Variants in TBC1D4 observed in about 807,000 individuals in gnomAD.
TBC1D4 encodes TBC (Tre-2, BUB2, CDC16) domain-containing protein.
Under a neutral mutation model 142.5 loss-of-function variants are expected in TBC1D4, and 121 were observed. The observed-to-expected ratio is 0.85, with a 90% CI of 0.73 to 0.99. The LOEUF (loss-of-function observed/expected upper bound fraction) is 0.99, where lower values mean the gene tolerates loss of function less well. Ranked by LOEUF, TBC1D4 falls within the 50% of genes least tolerant of loss-of-function variation. The pLI is 0.00. For missense variants in TBC1D4, 1,475 were observed against 1,606.6 expected, an observed-to-expected ratio of 0.92 and a Z score of 1.40; for synonymous variants, 630 against 628.2, an observed-to-expected ratio of 1.00 and a Z score of -0.04.
At chr13:75,430,422 C>T (rs1886548533) in intron 1 of TBC1D4, among the ~76,000 whole-genome samples, 1 of 152,186 alleles carries the variant, frequency 6.6e-6, no homozygotes, top group African/African-American at 2.4e-5. Flanking sequence ...CACACTGTCC[C>T]CTCGTGCCCC....
Position 75,481,416 on chromosome 13 carries a change from T to C in TBC1D4, c.352A>G (p.Ile118Val), listed in dbSNP as rs1465961144. 3.7e-6 allele frequency: 6 copies of C among 1,613,802 alleles called. No individual in the cohort carries two copies. In the East Asian group the frequency reaches 6.7e-5, roughly 18 times the overall value. ...ATATGCTGCGCCTTGTGCTCGAAGA[T>C]GAATACCGCCGGGTTGGGCTGCGTG... ...SATQPNPAVF[I>V]FEHKAQHISR... Residue 118 changes from isoleucine (I) to valine (V), a missense_variant, in exon 1 of 21, where the codon ATC (isoleucine) becomes GTC (valine). Physicochemically the swap from Ile to Val is conservative, Grantham distance 29. Transcript: ENST00000377636.
At chr13:75,400,378 C>A (rs1018875634) in intron 1 of TBC1D4, among the ~76,000 whole-genome samples, 2 of 152,106 alleles carry the variant, frequency 1.3e-5, no homozygotes, top group African/African-American at 4.8e-5. Flanking sequence ...CATTTACCAC[C>A]GCCACTACTT....
chr13:75,468,478 C>A lies in TBC1D4; in HGVS notation c.498+12792G>T, dbSNP rs79183696. Among the ~76,000 whole-genome samples, 781 of 152,102 alleles carry A rather than the reference C, an allele frequency of 5.1e-3. 13 individuals are homozygous for A. The highest frequency in any genetic ancestry group is 0.018 in the African/African-American group (754 of 41,472). On this transcript the variant is annotated intron_variant, in intron 1 of 20. Transcript: ENST00000377636. Reference sequence around the variant, plus strand: ...CCTCAACTCACAAAGGACAAGGAGACACACATTCTCCTGTTGGTAGCTTTA... The same window carrying A: ...CCTCAACTCACAAAGGACAAGGAGAAACACATTCTCCTGTTGGTAGCTTTA...
intron 1 of TBC1D4, among the ~76,000 whole-genome samples, chr13:75,474,809 G>T (rs1888568617): frequency 6.6e-6 from 1 of 151,824 alleles, no homozygotes; most frequent in East Asian, 1.9e-4. Flanking sequence ...GCTAATTTTT[G>T]TATTTTTAGT....
intron 15 of TBC1D4, among the ~76,000 whole-genome samples, chr13:75,305,191 C>T (rs1034901440): frequency 9.9e-5 from 15 of 152,172 alleles, no homozygotes; most frequent in Non-Finnish European, 1.9e-4. Context: ...TTTCACCTTC[C>T]GCCATGATTG....
intron 1 of TBC1D4, among the ~76,000 whole-genome samples, chr13:75,403,644 GTTT>G (rs1885202294): frequency 6.6e-6 from 1 of 152,100 alleles, no homozygotes; most frequent in South Asian, 2.1e-4. Flanking sequence ...AATTACATTA[GTTT>G]TTATCTTAAT....
At chr13:75,361,488 C>A (rs1439249805) in intron 2 of TBC1D4, among the ~76,000 whole-genome samples, 1 of 152,166 alleles carries the variant, frequency 6.6e-6, no homozygotes, top group African/African-American at 2.4e-5. Context: ...TCAAGCAATT[C>A]TCCCGCCTCA....
At chr13:75,365,585 T>A (rs1460911707) in intron 1 of TBC1D4, among the ~76,000 whole-genome samples, 1 of 152,210 alleles carries the variant, frequency 6.6e-6, no homozygotes, top group African/African-American at 2.4e-5. Context: ...ATACATACAA[T>A]ATTTTGGAAT....
chr13:75,291,511 A>G (rs190937285), intron 19 of TBC1D4, among the ~76,000 whole-genome samples: 35 of 152,248 alleles, frequency 2.3e-4, no homozygotes, highest in African/African-American at 7.7e-4. Flanking sequence ...CTTCATTTGA[A>G]TCATCGGAGG....
intron 16 of TBC1D4, among the ~76,000 whole-genome samples, chr13:75,300,719 G>C (rs1273078945): frequency 6.6e-6 from 1 of 152,126 alleles, no homozygotes; most frequent in Non-Finnish European, 1.5e-5. Flanking sequence ...CTTGATTCTA[G>C]CTCCATTTTT....
rs115880286 is a variant in TBC1D4, at chr13:75,384,447, A to G, written c.499-21840T>C. On this transcript the variant is annotated intron_variant, in intron 1 of 20. Coordinates refer to ENST00000377636, the MANE Select transcript of TBC1D4 (RefSeq NM_014832.5). ...CTCCATCTCAAAAACCTCACCTCCA[A>G]TGAGCTGCATATTCCTTTCTGGACA... is the stretch of plus-strand genomic sequence containing the variant. Among the ~76,000 whole-genome samples, 1,325 of 152,170 alleles carry G rather than the reference A, an allele frequency of 8.7e-3. 14 individuals carry two copies. The highest frequency in any genetic ancestry group is 0.031 in the Middle Eastern group (9 of 294).
chr13:75,465,732 G>A (rs541219979), intron 1 of TBC1D4, among the ~76,000 whole-genome samples: 68 of 152,230 alleles, frequency 4.5e-4, no homozygotes, highest in African/African-American at 1.4e-3. Context: ...ATTACTGATA[G>A]AACAGACTCT....
intron 1 of TBC1D4, among the ~76,000 whole-genome samples, chr13:75,443,476 T>C (rs1339698247): frequency 3.3e-5 from 5 of 152,182 alleles, no homozygotes; most frequent in African/African-American, 1.2e-4. Context: ...ACGTCTAGAA[T>C]ATACAGAGGG....
chr13:75,336,804 A>G (rs1043619271), intron 8 of TBC1D4, 117 bp downstream of exon 8: 188 of 1,254,254 alleles, frequency 1.5e-4, no homozygotes, highest in Middle Eastern at 1.9e-4. Context: ...AAGTTATCTT[A>G]GGTTTTTTTT....
At chr13:75,349,132 G>A in intron 5 of TBC1D4, 38 bp downstream of exon 5, 1 of 1,613,652 alleles carries the variant, frequency 6.2e-7, no homozygotes, top group Non-Finnish European at 8.5e-7. Flanking sequence ...AAATGCCAAA[G>A]CAAACTTCTC....
chr13:75,395,811 CAG>C (rs1258739573), intron 1 of TBC1D4, among the ~76,000 whole-genome samples: 2 of 152,140 alleles, frequency 1.3e-5, no homozygotes, highest in African/African-American at 4.8e-5. Flanking sequence ...GCCTGGGCAA[CAG>C]AGTGAGACTC....
At chr13:75,424,811 T>C (rs901821036) in intron 1 of TBC1D4, among the ~76,000 whole-genome samples, 10 of 152,188 alleles carry the variant, frequency 6.6e-5, no homozygotes, top group African/African-American at 2.2e-4. Flanking sequence ...GATATCCACA[T>C]GCAGAAGAAT....
intron 5 of TBC1D4, among the ~76,000 whole-genome samples, chr13:75,343,637 C>T (rs997565772): frequency 2.0e-5 from 3 of 152,042 alleles, no homozygotes; most frequent in Admixed American, 6.6e-5. Flanking sequence ...CTGCCTCAGC[C>T]TTCCGAGTAG....
chr13:75,367,785 T>G (rs1325466), intron 1 of TBC1D4, among the ~76,000 whole-genome samples: 49,746 of 152,046 alleles, frequency 0.33, 10,333 homozygotes, highest in African/African-American at 0.59. Flanking sequence ...CGTAATGGTA[T>G]GAAGTAAAAT....
Sources: allele counts gnomAD v4.1 joint callset (sites outside exome capture counted in the v4.1 genomes callset), GRCh38; gene constraint gnomAD v4.1.1; transcripts MANE v1.5; gene names NCBI Gene and HGNC (gene_info 2026-07-23, HGNC 2026-07-21).